TRPM3: variants seen among roughly 807,000 people sequenced by gnomAD.
TRPM3 encodes long transient receptor potential channel 3.
A neutral mutation model predicts 181.2 loss-of-function variants in TRPM3; 77 were observed. The observed-to-expected ratio is 0.42, with a 90% confidence interval of 0.35 to 0.51. TRPM3 has a LOEUF of 0.51. TRPM3 is among the 20% of genes least tolerant of loss of function. The probability of loss-of-function intolerance (pLI) is 0.01; values close to 1 mark genes in which losing one functional copy is unlikely to be tolerated. For synonymous variants in TRPM3, 745 were observed against 796.4 expected (o/e 0.94, Z 1.09); for missense variants, 1,759 against 2,196.7 (o/e 0.80, Z 3.98).
chr9:70,686,816 T>G (rs1378985583), intron 8 of TRPM3, among the ~76,000 whole-genome samples: 1 of 93,586 alleles, frequency 1.1e-5, no homozygotes, highest in African/African-American at 4.1e-5. Flanking sequence ...TTTCTTTTCT[T>G]TTCTTTTTCT....
chr9:70,779,378 G>A (rs1262565129), intron 7 of TRPM3, among the ~76,000 whole-genome samples: 1 of 152,148 alleles, frequency 6.6e-6, no homozygotes, highest in Non-Finnish European at 1.5e-5. Flanking sequence ...GAATGAAGAT[G>A]CCAAAATAAA....
intron 8 of TRPM3, among the ~76,000 whole-genome samples, chr9:70,742,746 A>C (rs1435009314): frequency 6.6e-6 from 1 of 152,214 alleles, no homozygotes; most frequent in South Asian, 2.1e-4. Context: ...ACATAGTAAC[A>C]GTTGTCCTGC....
At chr9:71,181,367 A>ATTTTTTT (rs59651573) in intron 1 of TRPM3, among the ~76,000 whole-genome samples, 1 of 141,718 alleles carries the variant, frequency 7.1e-6, no homozygotes, top group Non-Finnish European at 1.6e-5. Context: ...GGAAACTGCA[A>ATTTTTTT]TTTTTTTTTT....
chr9:70,949,105 G>A (rs1318273602), intron 1 of TRPM3, among the ~76,000 whole-genome samples: 1 of 152,078 alleles, frequency 6.6e-6, no homozygotes, highest in East Asian at 1.9e-4. Context: ...GTATTCTATA[G>A]GAGAGACCAA....
At chr9:70,847,202 C>G (rs1325025831) in intron 3 of TRPM3, among the ~76,000 whole-genome samples, 1 of 152,036 alleles carries the variant, frequency 6.6e-6, no homozygotes, top group Non-Finnish European at 1.5e-5. Context: ...TAGCAAATAT[C>G]AAGGTGTTAC....
At chr9:71,055,490 A>G (rs538304676) in intron 1 of TRPM3, among the ~76,000 whole-genome samples, 16 of 152,208 alleles carry the variant, frequency 1.1e-4, no homozygotes, top group Middle Eastern at 6.8e-3. Flanking sequence ...AGTTCTCAGC[A>G]TATATCTTTA....
chr9:70,573,005 ATTT>A (rs1159329511), intron 22 of TRPM3, among the ~76,000 whole-genome samples: 1 of 152,220 alleles, frequency 6.6e-6, no homozygotes, highest in African/African-American at 2.4e-5. Context: ...AGATGGTATA[ATTT>A]ATCTGTACAT....
intron 1 of TRPM3, among the ~76,000 whole-genome samples, chr9:71,169,821 A>C (rs1485201973): frequency 6.6e-6 from 1 of 150,902 alleles, no homozygotes; most frequent in Non-Finnish European, 1.5e-5. Flanking sequence ...TTTTAGAAAT[A>C]TTTTTTATAT....
chr9:70,664,893 A>G (rs375025595), intron 9 of TRPM3, among the ~76,000 whole-genome samples: 16 of 151,240 alleles, frequency 1.1e-4, no homozygotes, highest in African/African-American at 3.2e-4. Flanking sequence ...CAAGTGATCC[A>G]CCCCCCTCAG....
intron 1 of TRPM3, among the ~76,000 whole-genome samples, chr9:71,130,811 A>G (rs2074324207): frequency 6.6e-6 from 1 of 152,202 alleles, no homozygotes; most frequent in Admixed American, 6.5e-5. Flanking sequence ...TAGAGAAAGA[A>G]TTATAATGTT....
intron 8 of TRPM3, among the ~76,000 whole-genome samples, chr9:70,694,951 C>T (rs7023662): frequency 0.36 from 55,148 of 152,104 alleles, 10,256 homozygotes; most frequent in East Asian, 0.46. Flanking sequence ...ACAAAGTAAG[C>T]TAAGTGTCAC....
chr9:70,990,534 T>C lies in TRPM3; in HGVS notation c.178-126023A>G, dbSNP rs541516460. Among the ~76,000 whole-genome samples, 10 of 152,330 alleles carry C rather than the reference T, an allele frequency of 6.6e-5. No homozygotes were observed. In the East Asian group the frequency reaches 9.6e-4, roughly 15 times the overall value. On this transcript the variant is annotated intron_variant, in intron 1 of 25. Transcript: ENST00000677713. ...CCTAGATCCCTGTTCCTTTATCATA[T>C]GTGCTTGGATCCAAAACACCCTGGG...
intron 1 of TRPM3, among the ~76,000 whole-genome samples, chr9:70,875,426 T>C (rs2095854134): frequency 6.6e-6 from 1 of 151,974 alleles, no homozygotes; most frequent in South Asian, 2.1e-4. Flanking sequence ...GCACACAGTT[T>C]TGTGTTTACT....
At chr9:70,641,622 A>C (rs2058073326) in intron 9 of TRPM3, among the ~76,000 whole-genome samples, 1 of 152,200 alleles carries the variant, frequency 6.6e-6, no homozygotes, top group African/African-American at 2.4e-5. Context: ...AATAAAATTA[A>C]AGTTATAATT....
chr9:71,164,769 C>G (rs2076456746), intron 1 of TRPM3, among the ~76,000 whole-genome samples: 2 of 152,102 alleles, frequency 1.3e-5, no homozygotes, highest in Admixed American at 6.6e-5. Flanking sequence ...AATTTTAAAA[C>G]CTTACCTTTG....
chr9:71,197,648 T>A (rs1378471999), intron 1 of TRPM3, among the ~76,000 whole-genome samples: 5 of 152,214 alleles, frequency 3.3e-5, no homozygotes, highest in Non-Finnish European at 5.9e-5. Flanking sequence ...TTCATGTGTC[T>A]TTTGGCTACA....
chr9:71,090,970 A>G (rs2066108652), intron 1 of TRPM3, among the ~76,000 whole-genome samples: 1 of 152,140 alleles, frequency 6.6e-6, no homozygotes, highest in South Asian at 2.1e-4. Context: ...TATCCACAGT[A>G]GGACATTTTT....
chr9:71,168,606 T>TTTTC (rs1254417129), intron 1 of TRPM3, among the ~76,000 whole-genome samples: 76 of 3,870 alleles, frequency 0.02, no homozygotes, highest in Admixed American at 0.079. Context: ...TTTATTTTTA[T>TTTTC]TTATTTTTTT....
intron 6 of TRPM3, among the ~76,000 whole-genome samples, chr9:70,816,471 T>C (rs2092699662): frequency 2.6e-5 from 4 of 152,246 alleles, no homozygotes. Context: ...GACAGGTCTC[T>C]TGTTCTTTTC....
Sources: gnomAD v4.1 joint callset for allele counts (sites outside exome capture counted in the v4.1 genomes callset) on GRCh38, gnomAD v4.1.1 for gene constraint, MANE v1.5 for transcripts, NCBI Gene and HGNC (gene_info 2026-07-23, HGNC 2026-07-21) for gene names.